STOX1: variants seen among roughly 807,000 people sequenced by gnomAD.
The protein encoded by STOX1 is storkhead box 1, also known as storkhead-box protein 1.
A neutral mutation model predicts 74.8 loss-of-function variants in STOX1; 57 were observed. The observed-to-expected ratio is 0.76, with a 90% CI of 0.62 to 0.95. The LOEUF (loss-of-function observed/expected upper bound fraction) is 0.95, where lower values mean the gene tolerates loss of function less well. Ranked by LOEUF, STOX1 falls within the 40% of genes least tolerant of loss-of-function variation. STOX1 has a pLI of 0.00. For synonymous variants in STOX1, 375 were observed against 401.3 expected, an observed-to-expected ratio of 0.93 and a Z score of 0.78; for missense variants, 1,010 against 1,117.0, an observed-to-expected ratio of 0.90 and a Z score of 1.37.
intron 1 of STOX1, among the ~76,000 whole-genome samples, chr10:68,870,209 G>C (rs537313351): frequency 1.3e-5 from 2 of 151,534 alleles, no homozygotes; most frequent in Admixed American, 1.3e-4. Flanking sequence ...TTTTACCCCC[G>C]TTTTGTACAG....
At chr10:68,888,942 C>T (rs575103948) in intron 3 of STOX1, among the ~76,000 whole-genome samples, 30 of 147,670 alleles carry the variant, frequency 2.0e-4, no homozygotes, top group Middle Eastern at 3.6e-3. Context: ...AGCCACTGAG[C>T]GTGCCTGGCC....
chr10:68,871,217 C>T (rs1202322186), intron 1 of STOX1, among the ~76,000 whole-genome samples: 1 of 152,158 alleles, frequency 6.6e-6, no homozygotes, highest in Non-Finnish European at 1.5e-5. Flanking sequence ...CTCCTTGTAT[C>T]TCTATCCGCA....
rs763872265 is a variant in STOX1 at position 68,882,027 on chromosome 10, G to A, written c.380G>A (p.Cys127Tyr). The A allele has an allele frequency of 6.2e-7, 1 of 1,613,302 alleles. No homozygotes were observed. The highest frequency in any genetic ancestry group is 2.2e-5 in the East Asian group (1 of 44,748). Reference sequence around the variant, plus strand: ...TTCGTACCTTTGGGTGAAGTTCTTTGCTGTGCTATATCTGATATGAATACA... The same window carrying A: ...TTCGTACCTTTGGGTGAAGTTCTTTACTGTGCTATATCTGATATGAATACA... ...SQFVPLGEVL[C>Y]CAISDMNTAQ... Residue 127 changes from cysteine to tyrosine, a missense_variant, in exon 2 of 4, where the codon TGC becomes TAC. Coordinates refer to ENST00000298596, the MANE Select transcript of STOX1 (RefSeq NM_152709.5).
chr10:68,884,547 C>T lies in STOX1; in HGVS notation c.751C>T (p.His251Tyr). The T allele has an allele frequency of 6.2e-7, 1 of 1,613,788 alleles. No individual in the cohort carries two copies. Among genetic ancestry groups the T allele is most frequent in the Middle Eastern group, 1.6e-4 (1 of 6,062 alleles). The change falls in exon 3 of 4, where the codon CAC (histidine) becomes TAC (tyrosine). Residue 251 changes from histidine to tyrosine, a missense_variant. Coordinates refer to ENST00000298596, the MANE Select transcript of STOX1 (RefSeq NM_152709.5). ...GTCTTGCCAGTGTTTCCGGGACATGCACACTCAGGATGTTCAGGAAGCACC... is the reference window on the plus strand; with the variant it reads ...GTCTTGCCAGTGTTTCCGGGACATGTACACTCAGGATGTTCAGGAAGCACC... Reference protein sequence around the residue: ...CQSCQCFRDMHTQDVQEAPVA... With the variant: ...CQSCQCFRDMYTQDVQEAPVA...
chr10:68,841,612 A>G (rs977394766), intron 1 of STOX1, among the ~76,000 whole-genome samples: 4 of 152,192 alleles, frequency 2.6e-5, no homozygotes, highest in Admixed American at 6.5e-5. Context: ...GGGTACAGAA[A>G]CACTAGTTCT....
intron 3 of STOX1, among the ~76,000 whole-genome samples, chr10:68,890,685 C>CT: frequency 7.3e-6 from 1 of 137,820 alleles, no homozygotes; most frequent in East Asian, 2.0e-4. Flanking sequence ...GAGTCTCGCT[C>CT]TGTCACCCAG....
Position 68,885,360 on chromosome 10 carries a change from A to G in STOX1, c.1564A>G (p.Ser522Gly). The G allele has an allele frequency of 6.2e-7, 1 of 1,614,238 alleles. No homozygotes were observed. The highest frequency in any genetic ancestry group is 8.5e-7 in the Non-Finnish European group (1 of 1,180,040). Residue 522 changes from serine to glycine, a missense_variant, in exon 3 of 4, where the codon AGC (serine) becomes GGC (glycine). Coordinates refer to ENST00000298596, the MANE Select transcript of STOX1 (RefSeq NM_152709.5). The part of the protein sequence containing the change: ...KIQKTSDLKP[S>G]QTGPKEKPFQ... ...TCAGAAGACGAGTGATCTGAAACCC[A>G]GCCAGACTGGACCAAAGGAAAAGCC...
At chr10:68,840,398 A>G (rs984938373) in intron 1 of STOX1, among the ~76,000 whole-genome samples, 2 of 152,160 alleles carry the variant, frequency 1.3e-5, no homozygotes, top group Admixed American at 1.3e-4. Context: ...ATTTATTTCA[A>G]GACTGGGTTA....
At chr10:68,866,980 C>CT (rs2133572206) in intron 1 of STOX1, among the ~76,000 whole-genome samples, 1 of 134,096 alleles carries the variant, frequency 7.5e-6, no homozygotes, top group African/African-American at 2.9e-5. Context: ...GCCTCTTGCT[C>CT]TGTCACCCAG....
At chr10:68,838,246 T>C (rs1422139314) in intron 1 of STOX1, among the ~76,000 whole-genome samples, 1 of 152,024 alleles carries the variant, frequency 6.6e-6, no homozygotes, top group Non-Finnish European at 1.5e-5. Context: ...TTTGTGTTTT[T>C]AGTAGTGATG....
At chr10:68,862,975 CTG>C (rs1292128615) in intron 1 of STOX1, among the ~76,000 whole-genome samples, 6 of 152,202 alleles carry the variant, frequency 3.9e-5, no homozygotes, top group Non-Finnish European at 8.8e-5. Flanking sequence ...GCATGAGTAA[CTG>C]TGCCATAGAG....
intron 1 of STOX1, chr10:68,829,135 C>A: frequency 3.3e-6 from 1 of 302,298 alleles, no homozygotes; most frequent in Non-Finnish European, 4.9e-6. Context: ...CTGTATTAGT[C>A]CATAAATCAT....
downstream of STOX1, among the ~76,000 whole-genome samples, chr10:68,894,242 G>A (rs1841153819): frequency 6.6e-6 from 1 of 151,980 alleles, no homozygotes; most frequent in Non-Finnish European, 1.5e-5. Context: ...TGTATTTTTA[G>A]TAGAGATGGG....
intron 1 of STOX1, among the ~76,000 whole-genome samples, chr10:68,865,333 T>A (rs1840377863): frequency 6.6e-6 from 1 of 152,150 alleles, no homozygotes; most frequent in South Asian, 2.1e-4. Context: ...AAAGAAACAG[T>A]CTTTTAAATC....
At position 68,884,511 on chromosome 10, in the gene STOX1, T is replaced by G. The variant is rs575639343; in HGVS notation, c.715T>G (p.Ser239Ala). Residue 239 changes from serine to alanine, a missense_variant, in exon 3 of 4, where the codon TCC becomes GCC. Ser to Ala is a moderately conservative substitution (Grantham distance 99). Coordinates refer to ENST00000298596, the MANE Select transcript of STOX1 (RefSeq NM_152709.5). The stretch of plus-strand genomic sequence containing the variant: ...AGCCCAAGAGAATGCTGCCCCCATA[T>G]CCCACTGTCAGTCTTGCCAGTGTTT... ...ESAQENAAPI[S>A]HCQSCQCFRD... 6.2e-7 allele frequency: 1 copy of G among 1,613,770 alleles called. No individual in the cohort carries two copies. The highest frequency in any genetic ancestry group is 1.1e-5 in the South Asian group (1 of 91,086).
At chr10:68,846,122 A>ATT (rs1839844891) in intron 1 of STOX1, among the ~76,000 whole-genome samples, 1 of 44,818 alleles carries the variant, frequency 2.2e-5, no homozygotes, top group Non-Finnish European at 4.9e-5. Context: ...TGAGGTTTTT[A>ATT]TTATTATTAT....
intron 1 of STOX1, among the ~76,000 whole-genome samples, chr10:68,880,665 C>CTGTTTTT (rs1408331959): frequency 1.3e-5 from 2 of 151,460 alleles, no homozygotes; most frequent in East Asian, 1.9e-4. Context: ...CTAATTCCTA[C>CTGTTTTT]TGTTTTTTGT....
intron 2 of STOX1, among the ~76,000 whole-genome samples, chr10:68,882,725 C>T (rs991032045): frequency 6.6e-6 from 1 of 152,160 alleles, no homozygotes; most frequent in South Asian, 2.1e-4. Context: ...TCTCGAACTC[C>T]TGACCTCATG....
At chr10:68,891,940 T>C (rs547296273) in intron 3 of STOX1, among the ~76,000 whole-genome samples, 65 of 152,076 alleles carry the variant, frequency 4.3e-4, no homozygotes, top group African/African-American at 1.5e-3. Context: ...CATGCCTCAG[T>C]CTCATGAGTA....
Sources: allele counts gnomAD v4.1 joint callset (sites outside exome capture counted in the v4.1 genomes callset), GRCh38; gene constraint gnomAD v4.1.1; transcripts MANE v1.5; gene names NCBI Gene and HGNC (gene_info 2026-07-23, HGNC 2026-07-21).